The following UNC5C variants were observed in gnomAD, a reference collection of about 807,000 sequenced individuals.
The protein encoded by UNC5C is unc-5 netrin receptor C, also known as netrin receptor UNC5C.
In UNC5C, 47 loss-of-function variants were observed where a neutral mutation model predicts 99.8. That is an observed-to-expected ratio of 0.47 (90% CI 0.37 to 0.60). UNC5C has a LOEUF of 0.60. Ranked by LOEUF, UNC5C falls within the 20% of genes least tolerant of loss-of-function variation. The pLI is 0.00. For missense variants in UNC5C, 1,062 were observed against 1,165.9 expected, an observed-to-expected ratio of 0.91 and a Z score of 1.30; for synonymous variants, 487 against 452.2, an observed-to-expected ratio of 1.08 and a Z score of -0.98.
Position 95,278,466 on chromosome 4 carries a change from T to TTTTC in UNC5C, c.491-108_491-105dup, listed in dbSNP as rs1489929373. ...GGCTTAGTATTTTATCTGTGCTTTT[T>TTTTC]TTTCTTTCTTTTTTCTTTTTTTTTT... On this transcript the variant is annotated intron_variant, in intron 3 of 15. Transcript: ENST00000453304. The TTTTC allele has an allele frequency of 6.0e-6, 5 of 835,600 alleles. No individual in the cohort carries two copies. In the African/African-American group the frequency reaches 8.6e-5, roughly 14 times the overall value. The allele number at this position is 835,600 out of a possible 1,614,324, so 51.8% of individuals were successfully genotyped here.
chr4:95,383,739 T>A (rs1359589450), intron 1 of UNC5C, among the ~76,000 whole-genome samples: 1 of 152,230 alleles, frequency 6.6e-6, no homozygotes, highest in Non-Finnish European at 1.5e-5. Flanking sequence ...ACATCAGTTT[T>A]AATATTGCAT....
At chr4:95,376,075 CA>C (rs1744887560) in intron 1 of UNC5C, among the ~76,000 whole-genome samples, 1 of 151,780 alleles carries the variant, frequency 6.6e-6, no homozygotes, top group Non-Finnish European at 1.5e-5. Flanking sequence ...AACAAACAAA[CA>C]AAAATATATA....
intron 1 of UNC5C, among the ~76,000 whole-genome samples, chr4:95,378,432 G>T (rs1744961134): frequency 6.6e-6 from 1 of 152,160 alleles, no homozygotes; most frequent in Non-Finnish European, 1.5e-5. Flanking sequence ...GGGTATTGTG[G>T]CTGATGATCA....
At chr4:95,423,153 T>C (rs1746368036) in intron 1 of UNC5C, among the ~76,000 whole-genome samples, 1 of 152,118 alleles carries the variant, frequency 6.6e-6, no homozygotes, top group South Asian at 2.1e-4. Flanking sequence ...TATGAGAGGA[T>C]TGTATCTTTT....
chr4:95,357,427 C>T (rs1457716796), intron 1 of UNC5C, among the ~76,000 whole-genome samples: 1 of 152,008 alleles, frequency 6.6e-6, no homozygotes, highest in African/African-American at 2.4e-5. Flanking sequence ...TGCACCATTG[C>T]ACCTGGCCTT....
intron 3 of UNC5C, among the ~76,000 whole-genome samples, chr4:95,279,961 G>C (rs374063173): frequency 6.6e-6 from 1 of 152,150 alleles, no homozygotes; most frequent in African/African-American, 2.4e-5. Context: ...TATATCCTTC[G>C]CATCTGTAGT....
At chr4:95,235,505 A>G (rs1739075346) in intron 7 of UNC5C, among the ~76,000 whole-genome samples, 1 of 152,012 alleles carries the variant, frequency 6.6e-6, no homozygotes, top group Non-Finnish European at 1.5e-5. Context: ...CCATTTGTCA[A>G]TTTTGGCTTT....
chr4:95,520,799 A>G (rs1239808344), intron 1 of UNC5C, among the ~76,000 whole-genome samples: 1 of 151,716 alleles, frequency 6.6e-6, no homozygotes, highest in Non-Finnish European at 1.5e-5. Flanking sequence ...ACGGGGTTTC[A>G]CTGCATTAGC....
intron 7 of UNC5C, chr4:95,222,290 C>CA (rs762045280): frequency 2.2e-6 from 3 of 1,357,504 alleles, no homozygotes; most frequent in Non-Finnish European, 2.9e-6. Flanking sequence ...AAAAATGAAA[C>CA]AAAAATGGGA....
chr4:95,336,147 A>G (rs1412206829), intron 1 of UNC5C, among the ~76,000 whole-genome samples: 1 of 151,964 alleles, frequency 6.6e-6, no homozygotes, highest in East Asian at 1.9e-4. Flanking sequence ...AAAAGATGTC[A>G]TTGTGTGAAA....
chr4:95,477,175 A>G (rs1255514931), intron 1 of UNC5C, among the ~76,000 whole-genome samples: 1 of 152,076 alleles, frequency 6.6e-6, no homozygotes, highest in Admixed American at 6.6e-5. Flanking sequence ...CCTACTGGCT[A>G]TGACATATAT....
At position 95,209,337 on chromosome 4, in the gene UNC5C, A is replaced by G. The variant is rs138144714; in HGVS notation, c.1734-2541T>C. On this transcript the variant is annotated intron_variant, in intron 10 of 15. Transcript: ENST00000453304. The stretch of plus-strand genomic sequence containing the variant: ...CTTGGTAGCTCACAAGTAAGTTTGT[A>G]TCTTAGAGCTTCCACAGTTGACTAT... 2.3e-3 allele frequency among the ~76,000 whole-genome samples: 347 copies of G among 152,344 alleles called. 1 individual carries two copies. Among genetic ancestry groups the G allele is most frequent in the African/African-American group, 7.9e-3 (330 of 41,584 alleles).
chr4:95,202,024 T>A (rs1737694062), intron 12 of UNC5C, among the ~76,000 whole-genome samples: 1 of 152,146 alleles, frequency 6.6e-6, no homozygotes. Context: ...GGGCCAATCA[T>A]CAAATATTAG....
intron 3 of UNC5C, among the ~76,000 whole-genome samples, chr4:95,299,262 T>C (rs981558025): frequency 6.6e-6 from 1 of 152,014 alleles, no homozygotes; most frequent in African/African-American, 2.4e-5. Context: ...GTAAAGACTA[T>C]GTGAAGACAC....
At chr4:95,232,992 C>A (rs568610662) in intron 7 of UNC5C, among the ~76,000 whole-genome samples, 4 of 152,304 alleles carry the variant, frequency 2.6e-5, no homozygotes, top group African/African-American at 9.6e-5. Context: ...TGACTAGCAC[C>A]TTCTCAAATG....
chr4:95,312,826 A>G (rs1742322677), intron 2 of UNC5C, among the ~76,000 whole-genome samples: 1 of 152,214 alleles, frequency 6.6e-6, no homozygotes, highest in South Asian at 2.1e-4. Flanking sequence ...AAGTCTGTTT[A>G]GTACAGATTA....
intron 1 of UNC5C, among the ~76,000 whole-genome samples, chr4:95,361,593 C>T (rs1174912622): frequency 6.6e-6 from 1 of 152,134 alleles, no homozygotes; most frequent in African/African-American, 2.4e-5. Flanking sequence ...ACACACAGTC[C>T]TTCAGGCCAA....
rs181784509 is a variant in UNC5C at position 95,172,380 on chromosome 4, G to A, written c.2452-2048C>T. Among the ~76,000 whole-genome samples the A allele has an allele frequency of 2.8e-3, 419 of 150,934 alleles. 2 individuals carry two copies. The highest frequency in any genetic ancestry group is 9.0e-3 in the African/African-American group (373 of 41,352). ...GGGTTTTTATGGTTTTAGGTCTAAC[G>A]TTTATGTCTTTAATCCATCTCGAAT... is the stretch of plus-strand genomic sequence containing the variant. On this transcript the variant is annotated intron_variant, in intron 14 of 15. Transcript: ENST00000453304.
chr4:95,475,117 G>C (rs1048994319), intron 1 of UNC5C, among the ~76,000 whole-genome samples: 1 of 152,046 alleles, frequency 6.6e-6, no homozygotes, highest in African/African-American at 2.4e-5. Flanking sequence ...TCTACCTCCT[G>C]CTTCATTCAC....
Sources: allele counts gnomAD v4.1 joint callset (sites outside exome capture counted in the v4.1 genomes callset), GRCh38; gene constraint gnomAD v4.1.1; transcripts MANE v1.5; gene names NCBI Gene and HGNC (gene_info 2026-07-23, HGNC 2026-07-21).